HERC1: variants seen among roughly 807,000 people sequenced by gnomAD.
HERC1 encodes HECT and RLD domain containing E3 ubiquitin protein ligase family member 1, also known as probable E3 ubiquitin-protein ligase HERC1.
In HERC1, 160 loss-of-function variants were observed where a neutral mutation model predicts 554.3. The observed-to-expected ratio is 0.29, with a 90% CI of 0.25 to 0.33. The LOEUF is 0.33. Among genes scored for constraint, HERC1 ranks in the 10% least tolerant of loss-of-function variants. The pLI is 1.00. For missense variants in HERC1, 4,919 were observed against 5,918.5 expected (o/e 0.83, Z 5.54); for synonymous variants, 2,175 against 2,131.7 (o/e 1.02, Z -0.56).
intron 2 of HERC1, among the ~76,000 whole-genome samples, chr15:63,772,507 AAT>A (rs555818165): frequency 6.6e-4 from 99 of 150,732 alleles, no homozygotes; most frequent in African/African-American, 2.2e-3. Context: ...TTATTGTTTT[AAT>A]ATATATATAT....
intron 30 of HERC1, among the ~76,000 whole-genome samples, chr15:63,693,485 C>T (rs1269517329): frequency 6.6e-6 from 1 of 152,072 alleles, no homozygotes; most frequent in East Asian, 1.9e-4. Flanking sequence ...CTCAAGCAAT[C>T]CACCCACCTT....
At chr15:63,777,014 A>G (rs2076137970) in intron 1 of HERC1, among the ~76,000 whole-genome samples, 1 of 152,298 alleles carries the variant, frequency 6.6e-6, no homozygotes, top group East Asian at 1.9e-4. Flanking sequence ...AAAATTTTTA[A>G]TTACAAAATA....
chr15:63,620,155 A>G (rs2068010129), intron 74 of HERC1, among the ~76,000 whole-genome samples: 1 of 150,750 alleles, frequency 6.6e-6, no homozygotes, highest in African/African-American at 2.4e-5. Flanking sequence ...CCCTCTACAC[A>G]CTGCTTTGAA....
chr15:63,782,173 AT>A (rs2076307941), intron 1 of HERC1, among the ~76,000 whole-genome samples: 1 of 152,236 alleles, frequency 6.6e-6, no homozygotes, highest in African/African-American at 2.4e-5. Context: ...TAAACAACAG[AT>A]TTTCAATGTG....
intron 54 of HERC1, among the ~76,000 whole-genome samples, chr15:63,649,063 A>G (rs778774571): frequency 6.6e-6 from 1 of 152,168 alleles, no homozygotes; most frequent in African/African-American, 2.4e-5. Flanking sequence ...TTAAAAGACA[A>G]TTTCATCTCG....
rs1010415717 is a variant in HERC1 at position 63,612,500 on chromosome 15, G to A, written c.14151C>T (p.Leu4717=). 20 of 1,613,900 alleles carry A rather than the reference G, an allele frequency of 1.2e-5. No individual in the cohort carries two copies. The highest frequency in any genetic ancestry group is 1.7e-5 in the Non-Finnish European group (20 of 1,179,890). ...TCTGCTCCAGTTGTTTTGCTGTGAG[G>A]AGGGACAGCAGCGGCACAGGAACAA... The part of the protein sequence containing the change: ...SWIVPVPLLS[L]LTAKQLEQMV... Residue 4717 remains leucine (L), a synonymous_variant, in exon 77 of 78, where the codon CTC becomes CTT. Coordinates refer to ENST00000443617, the MANE Select transcript of HERC1 (RefSeq NM_003922.4). This position sits in a 1 kb window ranked among gnomAD's most constrained non-coding sequence, Gnocchi z 5.0.
At chr15:63,814,066 CA>C (rs1164559271) in intron 1 of HERC1, among the ~76,000 whole-genome samples, 4 of 151,778 alleles carry the variant, frequency 2.6e-5, no homozygotes, top group African/African-American at 7.3e-5. Context: ...TCTCAAAAAA[CA>C]AAAAACAAAC....
chr15:63,823,420 A>T (rs1186057785), intron 1 of HERC1, among the ~76,000 whole-genome samples: 1 of 152,234 alleles, frequency 6.6e-6, no homozygotes, highest in Non-Finnish European at 1.5e-5. Flanking sequence ...AACTATAATT[A>T]TTCCCATTTT....
chr15:63,647,261 A>T (rs897822235), intron 55 of HERC1, among the ~76,000 whole-genome samples: 2 of 148,684 alleles, frequency 1.3e-5, no homozygotes, highest in African/African-American at 4.9e-5. Context: ...CTAAAAAAAT[A>T]AAAATTTACA....
At position 63,694,304 on chromosome 15, in the gene HERC1, A is replaced by G. The variant is rs746165548; in HGVS notation, c.5480+8T>C. On this transcript the variant is annotated splice_region_variant and intron_variant, in intron 29 of 77. Coordinates refer to ENST00000443617, the MANE Select transcript of HERC1 (RefSeq NM_003922.4). The surrounding 1 kb of genome is among the most constrained non-coding windows in gnomAD (Gnocchi z 4.3). ...ATACAGTTCTACAAAGACATCTACC[A>G]TACTTACCCAGTAGTGATGGCTAGA... 1.8e-4 allele frequency: 290 copies of G among 1,608,932 alleles called. 1 individual carries two copies. The highest frequency in any genetic ancestry group is 2.4e-4 in the Non-Finnish European group (277 of 1,177,276).
In HERC1 at chr15:63,821,301, T is replaced by A. The variant is rs960262505; in HGVS notation, c.-27+12526A>T. Reference sequence around the variant, plus strand: ...CGGGTGCAGTGGCTCACACCTGTAATCCCAGAACTTTAGGAGGCTGAGGCG... The same window carrying A: ...CGGGTGCAGTGGCTCACACCTGTAAACCCAGAACTTTAGGAGGCTGAGGCG... On this transcript the variant is annotated intron_variant, in intron 1 of 77. Coordinates refer to ENST00000443617, the MANE Select transcript of HERC1 (RefSeq NM_003922.4). Among the ~76,000 whole-genome samples, 80 of 151,986 alleles carry A rather than the reference T, an allele frequency of 5.3e-4. 1 individual carries two copies. The highest frequency in any genetic ancestry group is 1.8e-3 in the African/African-American group (73 of 41,428).
chr15:63,830,752 C>T (rs1470719155), intron 1 of HERC1, among the ~76,000 whole-genome samples: 1 of 152,142 alleles, frequency 6.6e-6, no homozygotes, highest in Admixed American at 6.5e-5. Context: ...TAAATAAAAT[C>T]CATCAACCAA....
Position 63,661,036 on chromosome 15 carries a change from C to T in HERC1, c.9171-11G>A. The T allele has an allele frequency of 6.2e-7, 1 of 1,603,532 alleles. No individual in the cohort carries two copies. The highest frequency in any genetic ancestry group is 8.5e-7 in the Non-Finnish European group (1 of 1,170,628). On this transcript the variant is annotated splice_polypyrimidine_tract_variant and intron_variant, in intron 45 of 77. Coordinates refer to ENST00000443617, the MANE Select transcript of HERC1 (RefSeq NM_003922.4). ...GCTTGTCCCTTGTACCTGCACCAAA[C>T]ATGAAGAACATTGCATTTTTATATA...
intron 34 of HERC1, among the ~76,000 whole-genome samples, chr15:63,684,146 T>C (rs2071622615): frequency 6.6e-6 from 1 of 152,172 alleles, no homozygotes; most frequent in Non-Finnish European, 1.5e-5. Context: ...AAACACTCTT[T>C]AAGAGATTGT....
chr15:63,673,220 T>A (rs114511841), intron 38 of HERC1, among the ~76,000 whole-genome samples: 4,599 of 146,902 alleles, frequency 0.031, 225 homozygotes, highest in African/African-American at 0.11. Context: ...ATTTATATAT[T>A]TTTTTTAATT....
At chr15:63,706,724 T>C in intron 25 of HERC1, 56 bp downstream of exon 25, 2 of 939,894 alleles carry the variant, frequency 2.1e-6, no homozygotes, top group East Asian at 2.7e-5. Flanking sequence ...TCTTTTTTTT[T>C]TTTTGAGACA....
intron 12 of HERC1, 27 bp downstream of exon 12, chr15:63,746,891 A>G (rs776463962): frequency 7.1e-6 from 11 of 1,541,904 alleles, no homozygotes; most frequent in Non-Finnish European, 9.7e-6. Flanking sequence ...GGTTTGAGAT[A>G]CAGATTCACA....
chr15:63,617,835 C>T lies in HERC1; in HGVS notation c.13689-1153G>A, dbSNP rs536304549. On this transcript the variant is annotated intron_variant, in intron 74 of 77. Coordinates refer to ENST00000443617, the MANE Select transcript of HERC1 (RefSeq NM_003922.4). The stretch of plus-strand genomic sequence containing the variant: ...TTGAGAAGTGTCTGTTCATATCTTT[C>T]GCCCACTTTTTGATGGGGTTGTTTT... 2.5e-3 allele frequency among the ~76,000 whole-genome samples: 385 copies of T among 152,252 alleles called. 2 individuals are homozygous for T. The highest frequency in any genetic ancestry group is 7.8e-3 in the African/African-American group (323 of 41,542).
intron 43 of HERC1, among the ~76,000 whole-genome samples, chr15:63,663,520 A>G (rs2070460201): frequency 6.6e-6 from 1 of 152,230 alleles, no homozygotes; most frequent in African/African-American, 2.4e-5. Flanking sequence ...CAATGGCACA[A>G]TCCCAGCTCA....
Sources: gnomAD v4.1 joint callset for allele counts (sites outside exome capture counted in the v4.1 genomes callset) on GRCh38, gnomAD v4.1.1 for gene constraint, Gnocchi (gnomAD v3.1) non-coding constraint, MANE v1.5 for transcripts, NCBI Gene and HGNC (gene_info 2026-07-23, HGNC 2026-07-21) for gene names.